The following PARD6G variants were observed in gnomAD, a reference collection of about 807,000 sequenced individuals.
The protein encoded by PARD6G is par-6 family cell polarity regulator gamma, also known as partitioning defective 6 homolog gamma.
In PARD6G, 7 loss-of-function variants were observed where a neutral mutation model predicts 10.7. The observed-to-expected ratio is 0.66, with a 90% CI of 0.37 to 1.23. The LOEUF (loss-of-function observed/expected upper bound fraction) is 1.23. PARD6G is among the 50% of genes most tolerant of loss of function. PARD6G has a pLI of 0.02. For synonymous variants in PARD6G, 287 were observed against 269.4 expected, an observed-to-expected ratio of 1.07 and a Z score of -0.64; for missense variants, 548 against 571.8, an observed-to-expected ratio of 0.96 and a Z score of 0.42.
At chr18:80,164,558 G>A (rs2052722683) in intron 2 of PARD6G, among the ~76,000 whole-genome samples, 1 of 152,172 alleles carries the variant, frequency 6.6e-6, no homozygotes, top group Non-Finnish European at 1.5e-5. Context: ...TGAGCAGAGG[G>A]GAGCCTTGTT....
At position 80,247,455 on chromosome 18, in the gene PARD6G, C is replaced by T; in HGVS notation, c.-107G>A. ...CCCGGCCCCGGCCCCGGCCCGCGCT[C>T]GCTTGGCCGGCGGGCTGCTCCCGGT... On this transcript the variant is annotated 5_prime_UTR_variant, in exon 1 of 3. Coordinates refer to ENST00000353265, the MANE Select transcript of PARD6G (RefSeq NM_032510.4). The surrounding 1 kb of genome is among the most constrained non-coding windows in gnomAD (Gnocchi z 4.2). 1 of 756,358 alleles carries T rather than the reference C, an allele frequency of 1.3e-6. No individual in the cohort carries two copies. The allele number at this position is 756,358 out of a possible 1,614,324, so 46.9% of individuals were successfully genotyped here. A position where few individuals can be genotyped will look rare whatever the true frequency, so the allele number is the denominator to read the frequency against.
In PARD6G at chr18:80,161,077, T is replaced by C. The variant is rs1304563200; in HGVS notation, c.296-471A>G. 6.6e-6 allele frequency among the ~76,000 whole-genome samples: 1 copy of C among 152,216 alleles called. No homozygotes were observed. Among genetic ancestry groups the C allele is most frequent in the Non-Finnish European group, 1.5e-5 (1 of 68,032 alleles). On this transcript the variant is annotated intron_variant, in intron 2 of 2. Coordinates refer to ENST00000353265, the MANE Select transcript of PARD6G (RefSeq NM_032510.4). The surrounding 1 kb of genome is among the most constrained non-coding windows in gnomAD (Gnocchi z 4.6). Reference sequence around the variant, plus strand: ...ACCTTTCCTGCTTTCTTCTTTTCTATGCGCAAGCCCCACCACAGTGTCTTC... The same window carrying C: ...ACCTTTCCTGCTTTCTTCTTTTCTACGCGCAAGCCCCACCACAGTGTCTTC...
intron 1 of PARD6G, among the ~76,000 whole-genome samples, chr18:80,244,880 G>A (rs1286630771): frequency 6.6e-6 from 1 of 152,170 alleles, no homozygotes; most frequent in Non-Finnish European, 1.5e-5. Flanking sequence ...AAGTGGGTAA[G>A]TGGGAAGCTG....
chr18:80,192,008 G>A lies in PARD6G; in HGVS notation c.295+10702C>T, dbSNP rs1350471019. Among the ~76,000 whole-genome samples the A allele has an allele frequency of 6.6e-6, 1 of 152,204 alleles. No homozygotes were observed. The highest frequency in any genetic ancestry group is 2.4e-5 in the African/African-American group (1 of 41,444). On this transcript the variant is annotated intron_variant, in intron 2 of 2. Coordinates refer to ENST00000353265, the MANE Select transcript of PARD6G (RefSeq NM_032510.4). This position sits in a 1 kb window ranked among gnomAD's most constrained non-coding sequence, Gnocchi z 4.9. Reference sequence around the variant, plus strand: ...GCCAAATCTAAAATTGGTCAAAGGTGTCCAACTCCACCTTGATGATTCTGA... The same window carrying A: ...GCCAAATCTAAAATTGGTCAAAGGTATCCAACTCCACCTTGATGATTCTGA...
At position 80,161,433 on chromosome 18, in the gene PARD6G, G is replaced by A. The variant is rs1387768943; in HGVS notation, c.296-827C>T. On this transcript the variant is annotated intron_variant, in intron 2 of 2. Transcript: ENST00000353265. The surrounding 1 kb of genome is among the most constrained non-coding windows in gnomAD (Gnocchi z 4.6). ...TGTGTAAACTTTACCCTAAAGTTGGGCTACTGCAAAATAAAATGAAAGTCC... is the reference window on the plus strand; with the variant it reads ...TGTGTAAACTTTACCCTAAAGTTGGACTACTGCAAAATAAAATGAAAGTCC... Among the ~76,000 whole-genome samples, 1 of 152,064 alleles carries A rather than the reference G, an allele frequency of 6.6e-6. No homozygotes were observed. Among genetic ancestry groups the A allele is most frequent in the Non-Finnish European group, 1.5e-5 (1 of 68,040 alleles).
rs1967022053 is a variant in PARD6G, at chr18:80,202,882, C to A, written c.123G>T (p.Lys41Asn). ...RFSLDRHKPG[K>N]FEDFYKLVVH... ...CAACCAGCTTGTAGAAATCTTCAAA[C>A]TTCCCAGGCTTATGACGGTCCAGAG... Residue 41 changes from lysine to asparagine, a missense_variant, in exon 2 of 3, where the codon AAG becomes AAT. Lys to Asn is a moderately conservative substitution (Grantham distance 94, BLOSUM62 0). This residue lies in a region of PARD6G where 235 missense variants were observed against 291.9 expected (regional missense o/e 0.81). Transcript: ENST00000353265. 2.5e-6 allele frequency: 4 copies of A among 1,605,548 alleles called. No homozygotes were observed. The highest frequency in any genetic ancestry group is 3.4e-6 in the Non-Finnish European group (4 of 1,178,588).
chr18:80,225,734 G>T (rs1967282229), intron 1 of PARD6G, among the ~76,000 whole-genome samples: 1 of 152,160 alleles, frequency 6.6e-6, no homozygotes. Context: ...AGTTGGAGAA[G>T]CGTGGGAAAG....
Position 80,192,942 on chromosome 18 carries a change from T to A in PARD6G, c.295+9768A>T, listed in dbSNP as rs142547227. ...TGGATGAAGCACCAATGTGTCCAAG[T>A]CCTCCTGGCCCCTGCTGCCAACATG... On this transcript the variant is annotated intron_variant, in intron 2 of 2. Coordinates refer to ENST00000353265, the MANE Select transcript of PARD6G (RefSeq NM_032510.4). This position sits in a 1 kb window ranked among gnomAD's most constrained non-coding sequence, Gnocchi z 4.9. Among the ~76,000 whole-genome samples, 1,312 of 152,120 alleles carry A rather than the reference T, an allele frequency of 8.6e-3. 15 individuals carry two copies. Among genetic ancestry groups the A allele is most frequent in the African/African-American group, 0.023 (971 of 41,476 alleles).
chr18:80,244,678 C>G (rs1292821458), intron 1 of PARD6G, among the ~76,000 whole-genome samples: 2 of 152,152 alleles, frequency 1.3e-5, no homozygotes, highest in Non-Finnish European at 2.9e-5. Flanking sequence ...AGTTAAATGA[C>G]TTGCCCAAAA....
At chr18:80,176,069 G>T in intron 2 of PARD6G, 1 of 165,596 alleles carries the variant, frequency 6.0e-6, no homozygotes. Context: ...CAGAGGTGGA[G>T]GAGGAGAGAG....
intron 1 of PARD6G, among the ~76,000 whole-genome samples, chr18:80,218,007 G>T (rs916782994): frequency 6.6e-6 from 1 of 152,186 alleles, no homozygotes; most frequent in South Asian, 2.1e-4. Context: ...GGAGGTAACT[G>T]CTCCTATGAT....
Position 80,236,677 on chromosome 18 carries a change from C to T in PARD6G, c.72+10600G>A, listed in dbSNP as rs561447578. 1.6e-4 allele frequency among the ~76,000 whole-genome samples: 24 copies of T among 152,274 alleles called. No individual in the cohort carries two copies. In the East Asian group the frequency reaches 4.6e-3, roughly 29 times the overall value. ...AGTCTCAGGGTACAAAATCGATGTG[C>T]AGAAATCACAAGCATTCTTATACAC... On this transcript the variant is annotated intron_variant, in intron 1 of 2. Transcript: ENST00000353265.
At chr18:80,218,122 C>T (rs1392302578) in intron 1 of PARD6G, among the ~76,000 whole-genome samples, 2 of 152,106 alleles carry the variant, frequency 1.3e-5, no homozygotes, top group Non-Finnish European at 2.9e-5. Flanking sequence ...ATCATTCCAC[C>T]CTGGCCCCTC....
chr18:80,203,191 G>C (rs1242385343), intron 1 of PARD6G, among the ~76,000 whole-genome samples: 1 of 152,104 alleles, frequency 6.6e-6, no homozygotes, highest in African/African-American at 2.4e-5. Context: ...GGATCCAATG[G>C]TAACTCTATT....
rs1306471307 is a variant in PARD6G at position 80,202,831 on chromosome 18, A to G, written c.174T>C (p.Ser58=). The change falls in exon 2 of 3, where the codon AGT becomes AGC. Residue 58 remains serine, a synonymous_variant. Transcript: ENST00000353265. ...CATCTGCATAGCCAATAGTTACATC[A>G]CTGTTGGAGATATGGTGGGTGTGCA... The part of the protein sequence containing the change: ...LVVHTHHISN[S]DVTIGYADVH... 5.0e-6 allele frequency: 8 copies of G among 1,612,406 alleles called. No individual in the cohort carries two copies. In the Middle Eastern group the frequency reaches 1.2e-3, roughly 233 times the overall value.
chr18:80,221,219 G>T (rs1275459271), intron 1 of PARD6G, among the ~76,000 whole-genome samples: 1 of 152,102 alleles, frequency 6.6e-6, no homozygotes, highest in Non-Finnish European at 1.5e-5. Context: ...TATGAGGTCA[G>T]CTTTCACCTG....
At chr18:80,199,979 G>C (rs1966994239) in intron 2 of PARD6G, among the ~76,000 whole-genome samples, 1 of 152,120 alleles carries the variant, frequency 6.6e-6, no homozygotes, top group African/African-American at 2.4e-5. Flanking sequence ...CATAATTGTG[G>C]GTTTATTCCA....
intron 2 of PARD6G, chr18:80,162,419 T>A (rs1197609895): frequency 1.2e-5 from 2 of 167,604 alleles, no homozygotes; most frequent in Non-Finnish European, 2.9e-5. Context: ...TAATACTTCT[T>A]CCCAGCTGTG....
At position 80,247,452 on chromosome 18, in the gene PARD6G, G is replaced by GGC; in HGVS notation, c.-105_-104insGC. The GGC allele has an allele frequency of 1.3e-6, 1 of 784,624 alleles. No individual in the cohort carries two copies. The highest frequency in any genetic ancestry group is 1.9e-5 in the African/African-American group (1 of 52,936). 48.6% of individuals were successfully genotyped at this position (784,624 alleles called of 1,614,324 possible). Reference sequence around the variant, plus strand: ...GGCCCCGGCCCCGGCCCCGGCCCGCGCTCGCTTGGCCGGCGGGCTGCTCCC... The same window carrying GGC: ...GGCCCCGGCCCCGGCCCCGGCCCGCGGCCTCGCTTGGCCGGCGGGCTGCTCCC... On this transcript the variant is annotated 5_prime_UTR_variant, in exon 1 of 3. Coordinates refer to ENST00000353265, the MANE Select transcript of PARD6G (RefSeq NM_032510.4). The surrounding 1 kb of genome is among the most constrained non-coding windows in gnomAD (Gnocchi z 4.2).
Sources: allele counts gnomAD v4.1 joint callset (sites outside exome capture counted in the v4.1 genomes callset), GRCh38; gene constraint gnomAD v4.1.1; regional missense constraint gnomAD v4.1.1; non-coding constraint Gnocchi (gnomAD v3.1); transcripts MANE v1.5; gene names NCBI Gene and HGNC (gene_info 2026-07-23, HGNC 2026-07-21).